The following ZNF578 variants were observed in gnomAD, a reference collection of about 807,000 sequenced individuals.
The protein encoded by ZNF578 is Putative chemokine-related protein B42.
ZNF578 carries 8 observed loss-of-function variants against 8.3 expected under a neutral mutation model. The ratio of observed to expected loss-of-function variants is 0.96; its 90% CI spans 0.56 to 1.74. ZNF578 has a LOEUF of 1.74. Among genes scored for constraint, ZNF578 ranks in the 40% most tolerant of loss-of-function variants. ZNF578 has a pLI of 0.00. For missense variants in ZNF578, 726 were observed against 707.5 expected, an observed-to-expected ratio of 1.03 and a Z score of -0.30; for synonymous variants, 206 against 232.2, an observed-to-expected ratio of 0.89 and a Z score of 1.03.
chr19:52,462,589 T>C (rs983228194), intron 2 of ZNF578, among the ~76,000 whole-genome samples: 23 of 152,202 alleles, frequency 1.5e-4, no homozygotes, highest in African/African-American at 5.3e-4. Context: ...ATGAGGTTAC[T>C]CGAGTTTAGT....
chr19:52,501,930 G>T (rs779192665), intron 4 of ZNF578, 22 bp downstream of exon 4: 16 of 1,609,946 alleles, frequency 9.9e-6, no homozygotes, highest in Middle Eastern at 1.7e-4. Flanking sequence ...TTCCTCTGTG[G>T]ATTAATCTGT....
chr19:52,491,953 G>T (rs1599901638), intron 3 of ZNF578, among the ~76,000 whole-genome samples: 1 of 151,880 alleles, frequency 6.6e-6, no homozygotes, highest in East Asian at 1.9e-4. Flanking sequence ...GAAGTCAGGA[G>T]ATCGAGACCA....
chr19:52,460,140 A>T (rs1402477922), intron 2 of ZNF578, among the ~76,000 whole-genome samples: 5 of 151,644 alleles, frequency 3.3e-5, no homozygotes, highest in Admixed American at 6.6e-5. Context: ...ATGTATATAG[A>T]TGTATAAAAT....
intron 3 of ZNF578, among the ~76,000 whole-genome samples, chr19:52,496,265 G>A (rs1229916573): frequency 2.0e-5 from 3 of 151,672 alleles, no homozygotes; most frequent in South Asian, 2.1e-4. Context: ...ATCCACCCTC[G>A]TCGGCCTCCC....
intron 2 of ZNF578, among the ~76,000 whole-genome samples, chr19:52,471,715 C>T (rs1217583947): frequency 6.6e-6 from 1 of 152,152 alleles, no homozygotes; most frequent in Non-Finnish European, 1.5e-5. Context: ...TAAACATTTT[C>T]AGGCCATTTG....
At chr19:52,459,721 G>GTA (rs1568454109) in intron 2 of ZNF578, among the ~76,000 whole-genome samples, 3 of 54,674 alleles carry the variant, frequency 5.5e-5, no homozygotes, top group Non-Finnish European at 8.6e-5. Flanking sequence ...ATATGTGTGT[G>GTA]TGTGTGTGTG....
At chr19:52,509,399 C>T (rs570636796) in intron 5 of ZNF578, among the ~76,000 whole-genome samples, 1 of 152,180 alleles carries the variant, frequency 6.6e-6, no homozygotes, top group African/African-American at 2.4e-5. Context: ...CTGGTTTTAT[C>T]ATGGGTTACA....
intron 3 of ZNF578, among the ~76,000 whole-genome samples, chr19:52,492,672 A>AAGTGATGCACAG (rs2059369952): frequency 2.0e-5 from 3 of 152,224 alleles, no homozygotes; most frequent in South Asian, 4.1e-4. Flanking sequence ...TGCCAGGCCA[A>AAGTGATGCACAG]GTGATGCACA....
chr19:52,464,032 A>G (rs747426111), intron 2 of ZNF578, among the ~76,000 whole-genome samples: 1 of 152,204 alleles, frequency 6.6e-6, no homozygotes, highest in African/African-American at 2.4e-5. Flanking sequence ...ATTTTTATTC[A>G]TTGGAACTAT....
chr19:52,476,992 A>C (rs553294096), intron 2 of ZNF578, among the ~76,000 whole-genome samples: 6 of 152,242 alleles, frequency 3.9e-5, no homozygotes, highest in Non-Finnish European at 7.3e-5. Context: ...TGTAATTTGC[A>C]GAGAATAAGC....
Position 52,511,715 on chromosome 19 carries a change from A to G in ZNF578, c.1334A>G (p.His445Arg), listed in dbSNP as rs751240322. ...ATTCATCAGTCAAGCCTTGCACGTC[A>G]TCATAGACTTCATACTGGAGAGAAA... ...AFIHQSSLAR[H>R]HRLHTGEKSY... The change falls in exon 6 of 6, where the codon CAT (histidine) becomes CGT (arginine). Residue 445 changes from histidine (H) to arginine (R), a missense_variant. Coordinates refer to ENST00000421239, the MANE Select transcript of ZNF578 (RefSeq NM_001099694.2). 1.9e-6 allele frequency: 3 copies of G among 1,613,652 alleles called. No homozygotes were observed. The highest frequency in any genetic ancestry group is 1.7e-5 in the Admixed American group (1 of 60,000).
intron 2 of ZNF578, chr19:52,473,794 T>G (rs2059299548): frequency 3.1e-6 from 1 of 317,596 alleles, no homozygotes; most frequent in Admixed American, 4.8e-5. Flanking sequence ...CACCAAATTC[T>G]TTGGCACATT....
rs1292506770 is a variant in ZNF578, at chr19:52,513,177, C to T, written c.*1023C>T. ...CTGGGATTACAGGTATATGCCACGACGCCTGGCTAATTTTTTGTATTTTTA... is the reference window on the plus strand; with the variant it reads ...CTGGGATTACAGGTATATGCCACGATGCCTGGCTAATTTTTTGTATTTTTA... On this transcript the variant is annotated 3_prime_UTR_variant, in exon 6 of 6. Transcript: ENST00000421239. Among the ~76,000 whole-genome samples, 2 of 152,020 alleles carry T rather than the reference C, an allele frequency of 1.3e-5. No homozygotes were observed. Among genetic ancestry groups the T allele is most frequent in the Middle Eastern group, 3.4e-3 (1 of 294 alleles).
chr19:52,460,028 G>A (rs1375165371), intron 2 of ZNF578, among the ~76,000 whole-genome samples: 1 of 150,594 alleles, frequency 6.6e-6, no homozygotes, highest in Non-Finnish European at 1.5e-5. Flanking sequence ...GCTTCCCAAA[G>A]TGCTGGGATT....
At chr19:52,504,567 A>G in intron 4 of ZNF578, 88 bp from the exon 5 acceptor site, 1 of 1,595,930 alleles carries the variant, frequency 6.3e-7, no homozygotes, top group African/African-American at 1.4e-5. Flanking sequence ...TTGATCAAAG[A>G]AATACTTATT....
intron 2 of ZNF578, among the ~76,000 whole-genome samples, chr19:52,482,273 A>T (rs574224559): frequency 6.6e-6 from 1 of 152,250 alleles, no homozygotes; most frequent in Admixed American, 6.5e-5. Flanking sequence ...ACCTCAGGTG[A>T]TCTCCCCACC....
intron 3 of ZNF578, among the ~76,000 whole-genome samples, chr19:52,500,422 T>G (rs181895789): frequency 0.17 from 25,117 of 151,024 alleles, 2,581 homozygotes; most frequent in Non-Finnish European, 0.23. Context: ...TTTTTTTTTT[T>G]TTGAGATGAA....
chr19:52,500,877 C>T lies in ZNF578; in HGVS notation c.-19-950C>T, dbSNP rs1200797271. ...GGTCCACATTGACTGTTTTGTGTGA[C>T]TTTTTTTTTTTTTTTTTTTGAGATA... On this transcript the variant is annotated intron_variant, in intron 3 of 5. Transcript: ENST00000421239. 9.0e-4 allele frequency among the ~76,000 whole-genome samples: 106 copies of T among 117,470 alleles called. 1 individual carries two copies. The highest frequency in any genetic ancestry group is 1.0e-3 in the Non-Finnish European group (57 of 56,468). 77.1% of individuals were successfully genotyped at this position (117,470 alleles called of 152,430 possible).
chr19:52,499,164 T>C (rs560849346), intron 3 of ZNF578, among the ~76,000 whole-genome samples: 9 of 152,282 alleles, frequency 5.9e-5, no homozygotes, highest in Non-Finnish European at 8.8e-5. Context: ...AGGAATAAGA[T>C]CAGAAAAGCT....
Sources: allele counts gnomAD v4.1 joint callset (sites outside exome capture counted in the v4.1 genomes callset), GRCh38; gene constraint gnomAD v4.1.1; transcripts MANE v1.5; gene names NCBI Gene and HGNC (gene_info 2026-07-23, HGNC 2026-07-21).